The following BICD1 variants were observed in gnomAD, a reference collection of about 807,000 sequenced individuals.
BICD1 encodes the protein BICD cargo adaptor 1, also known as protein bicaudal D homolog 1.
In BICD1, 35 loss-of-function variants were observed where a neutral mutation model predicts 92.5. The ratio of observed to expected loss-of-function variants is 0.38; its 90% CI spans 0.29 to 0.50. BICD1 has a LOEUF of 0.50. BICD1 is among the 20% of genes least tolerant of loss of function. The probability of loss-of-function intolerance (pLI) is 0.93; values close to 1 mark genes in which losing one functional copy is unlikely to be tolerated. For missense variants in BICD1, 950 were observed against 1,189.8 expected (o/e 0.80, Z 2.97); for synonymous variants, 429 against 465.1 (o/e 0.92, Z 1.00).
intron 1 of BICD1, among the ~76,000 whole-genome samples, chr12:32,116,716 A>G (rs1941929936): frequency 6.8e-6 from 1 of 147,774 alleles, no homozygotes; most frequent in Non-Finnish European, 1.5e-5. Flanking sequence ...TTTTGTTTTT[A>G]CTGGAGGCTC....
intron 2 of BICD1, among the ~76,000 whole-genome samples, chr12:32,289,672 C>A (rs552837117): frequency 1.3e-5 from 2 of 152,220 alleles, no homozygotes; most frequent in African/African-American, 4.8e-5. Flanking sequence ...CGTAAGCCAC[C>A]GCACCCAGCC....
intron 1 of BICD1, among the ~76,000 whole-genome samples, chr12:32,145,796 T>C (rs1186644906): frequency 6.6e-6 from 1 of 152,258 alleles, no homozygotes; most frequent in East Asian, 1.9e-4. Flanking sequence ...TTCTATTTTC[T>C]GTATATTTGT....
intron 1 of BICD1, among the ~76,000 whole-genome samples, chr12:32,133,482 C>T (rs1565537818): frequency 6.6e-6 from 1 of 150,800 alleles, no homozygotes; most frequent in Admixed American, 6.6e-5. Flanking sequence ...AACAAGACTC[C>T]ATCTGGGAAA....
At chr12:32,348,721 AAAATATATATATATATATATAT>A (rs1938730017) in intron 8 of BICD1, among the ~76,000 whole-genome samples, 2 of 116,434 alleles carry the variant, frequency 1.7e-5, no homozygotes, top group Admixed American at 2.1e-4. Context: ...AGCTCACACA[AAAATATATATATATATATATAT>A]ATATATATAT....
At position 32,328,464 on chromosome 12, in the gene BICD1, T is replaced by A; in HGVS notation, c.2009T>A (p.Leu670Ter). ...ATGATTGATAAAGACAAGGAAGCCT[T>A]AATGGAAGAGATCCTCAAGCTAAAG... ...APMIDKDKEA[L>*]MEEILKLKSL... The change falls in exon 5 of 10, where the codon TTA becomes TAA. Residue 670 changes from leucine (L) to a stop codon, truncating the protein, a stop_gained. Coordinates refer to ENST00000652176, the MANE Select transcript of BICD1 (RefSeq NM_001714.4). LOFTEE classifies it high-confidence loss of function. This position sits in a 1 kb window ranked among gnomAD's most constrained non-coding sequence, Gnocchi z 4.4. 1 of 1,614,098 alleles carries A rather than the reference T, an allele frequency of 6.2e-7. No homozygotes were observed. Among genetic ancestry groups the A allele is most frequent in the East Asian group, 2.2e-5 (1 of 44,866 alleles).
chr12:32,136,220 T>C (rs983553591), intron 1 of BICD1, among the ~76,000 whole-genome samples: 3 of 152,220 alleles, frequency 2.0e-5, no homozygotes, highest in African/African-American at 7.2e-5. Flanking sequence ...CTACGTGGCA[T>C]TTTTTCTTTT....
chr12:32,210,622 A>G (rs1945189627), intron 1 of BICD1, among the ~76,000 whole-genome samples: 1 of 152,226 alleles, frequency 6.6e-6, no homozygotes. Flanking sequence ...AATGGAATAT[A>G]CTAAAAGTAA....
intron 8 of BICD1, chr12:32,340,316 T>C: frequency 1.0e-6 from 1 of 985,416 alleles, no homozygotes; most frequent in Non-Finnish European, 1.2e-6. Flanking sequence ...AGAAAAAAAG[T>C]AAAAACTGCT....
chr12:32,181,472 G>T (rs1944271796), intron 1 of BICD1, among the ~76,000 whole-genome samples: 1 of 151,650 alleles, frequency 6.6e-6, no homozygotes, highest in Non-Finnish European at 1.5e-5. Context: ...TAATGCCATG[G>T]TGCATTATAG....
intron 1 of BICD1, among the ~76,000 whole-genome samples, chr12:32,140,838 AAAAC>A (rs1699333740): frequency 6.6e-6 from 1 of 152,228 alleles, no homozygotes; most frequent in African/African-American, 2.4e-5. Flanking sequence ...AGCTAAAAAA[AAAAC>A]AAAGGACAAT....
intron 8 of BICD1, among the ~76,000 whole-genome samples, chr12:32,358,028 C>T (rs1309101979): frequency 2.6e-5 from 4 of 152,292 alleles, no homozygotes; most frequent in African/African-American, 7.2e-5. Context: ...CTAAGAAAAT[C>T]ACTTAACCCT....
chr12:32,247,701 G>T (rs1946424495), intron 2 of BICD1, among the ~76,000 whole-genome samples: 3 of 152,166 alleles, frequency 2.0e-5, no homozygotes, highest in Non-Finnish European at 4.4e-5. Context: ...GGCTGAGGCA[G>T]GAAAATTGGT....
intron 4 of BICD1, among the ~76,000 whole-genome samples, chr12:32,326,168 C>T (rs377369785): frequency 6.7e-6 from 1 of 150,266 alleles, no homozygotes. Context: ...GCTCTTAAAG[C>T]AGATCTCATG....
chr12:32,319,456 G>A lies in BICD1; in HGVS notation c.1006-8005G>A, dbSNP rs1948590392. 2.0e-5 allele frequency among the ~76,000 whole-genome samples: 3 copies of A among 152,042 alleles called. No individual in the cohort carries two copies. The South Asian group carries it at 6.2e-4, about 32-fold the overall frequency. On this transcript the variant is annotated intron_variant, in intron 4 of 9. Transcript: ENST00000652176. Reference sequence around the variant, plus strand: ...TATGATTGCATTTGGTTATGTTGCTGGATTCAGTTTGCTAGTATTTTGTTG... The same window carrying A: ...TATGATTGCATTTGGTTATGTTGCTAGATTCAGTTTGCTAGTATTTTGTTG...
intron 2 of BICD1, among the ~76,000 whole-genome samples, chr12:32,252,436 G>T (rs184088429): frequency 5.3e-5 from 8 of 151,960 alleles, no homozygotes; most frequent in African/African-American, 1.9e-4. Flanking sequence ...GAGCAGGTGG[G>T]TGGCATGGGC....
intron 8 of BICD1, among the ~76,000 whole-genome samples, chr12:32,364,449 C>A (rs750133395): frequency 6.6e-6 from 1 of 152,188 alleles, no homozygotes; most frequent in Non-Finnish European, 1.5e-5. Flanking sequence ...TCCTAAGACA[C>A]ATCCGTGGCT....
chr12:32,208,891 C>T (rs1945136229), intron 1 of BICD1, among the ~76,000 whole-genome samples: 1 of 151,954 alleles, frequency 6.6e-6, no homozygotes, highest in South Asian at 2.1e-4. Context: ...GTGGTGCAAT[C>T]TCAGCTCACT....
At chr12:32,204,892 C>G (rs189075652) in intron 1 of BICD1, among the ~76,000 whole-genome samples, 8 of 152,202 alleles carry the variant, frequency 5.3e-5, no homozygotes, top group Admixed American at 4.6e-4. Context: ...TCAATGTTAC[C>G]CCACGCATCA....
intron 9 of BICD1, among the ~76,000 whole-genome samples, chr12:32,371,045 G>A (rs1204881585): frequency 6.6e-6 from 1 of 151,840 alleles, no homozygotes; most frequent in East Asian, 1.9e-4. Flanking sequence ...CACCTTGCTT[G>A]TTTTTTGAGA....
Sources: allele counts gnomAD v4.1 joint callset (sites outside exome capture counted in the v4.1 genomes callset), GRCh38; gene constraint gnomAD v4.1.1; non-coding constraint Gnocchi (gnomAD v3.1); transcripts MANE v1.5; gene names NCBI Gene and HGNC (gene_info 2026-07-23, HGNC 2026-07-21).